Variants in HOOK3 observed in about 807,000 individuals in gnomAD.
HOOK3 encodes protein Hook homolog 3.
A neutral mutation model predicts 116.3 loss-of-function variants in HOOK3; 24 were observed. The observed-to-expected ratio is 0.21, with a 90% confidence interval of 0.15 to 0.29. HOOK3 has a LOEUF of 0.29. HOOK3 is among the 10% of genes least tolerant of loss of function. HOOK3 has a pLI of 1.00. For missense variants in HOOK3, 632 were observed against 830.2 expected (o/e 0.76, Z 2.93); for synonymous variants, 275 against 283.0 (o/e 0.97, Z 0.28).
chr8:42,959,172 A>G, intron 7 of HOOK3, 59 bp from the exon 8 acceptor site: 1 of 1,116,026 alleles, frequency 9.0e-7, no homozygotes, highest in East Asian at 2.4e-5. Flanking sequence ...TGTTGAACAT[A>G]CGAATTATTA....
At chr8:42,928,980 T>G (rs1807822126) in intron 3 of HOOK3, among the ~76,000 whole-genome samples, 1 of 152,166 alleles carries the variant, frequency 6.6e-6, no homozygotes, top group Non-Finnish European at 1.5e-5. Flanking sequence ...AGGCAGAGGT[T>G]GCAGTGAGCC....
Position 43,027,295 on chromosome 8 carries a change from A to T in HOOK3, c.*8797A>T. On this transcript the variant is annotated 3_prime_UTR_variant, in exon 22 of 22. Coordinates refer to ENST00000307602, the MANE Select transcript of HOOK3 (RefSeq NM_032410.4). ...GGACTTCTACATTTGTAACTTGAGT[A>T]TATTAATATTCAAATCATAGTTCAA... 2 of 278,240 alleles carry T rather than the reference A, an allele frequency of 7.2e-6. No individual in the cohort carries two copies. The highest frequency in any genetic ancestry group is 7.1e-6 in the Non-Finnish European group (1 of 139,874). 17.2% of individuals were successfully genotyped at this position (278,240 alleles called of 1,614,324 possible).
In HOOK3 at chr8:43,023,205, CAAAAAAAAAAAAAAA is replaced by C. The variant is rs766633886; in HGVS notation, c.*4716_*4730del. On this transcript the variant is annotated 3_prime_UTR_variant, in exon 22 of 22. Transcript: ENST00000307602. ...TGGGCCACAGAGTGAGACTCCATCT[CAAAAAAAAAAAAAAA>C]AAAAAAAAGAAACATCAGCCTGTAT... The C allele has an allele frequency of 0.065, 4,641 of 70,888 alleles. 334 individuals carry two copies. The highest frequency in any genetic ancestry group is 0.21 in the African/African-American group (4,435 of 21,204). The allele number at this position is 70,888 out of a possible 1,614,324, so 4.4% of individuals were successfully genotyped here. A position where few individuals can be genotyped will look rare whatever the true frequency, so the allele number is the denominator to read the frequency against.
chr8:42,978,387 G>A (rs1008322169), intron 13 of HOOK3, among the ~76,000 whole-genome samples: 2 of 150,450 alleles, frequency 1.3e-5, no homozygotes, highest in Non-Finnish European at 3.0e-5. Flanking sequence ...GGGATTACAG[G>A]TGCCTACCAC....
chr8:42,980,900 C>G (rs909875455), intron 13 of HOOK3, among the ~76,000 whole-genome samples: 1 of 151,732 alleles, frequency 6.6e-6, no homozygotes, highest in Non-Finnish European at 1.5e-5. Flanking sequence ...GAAAAAGAGA[C>G]CTGAGCGAAC....
rs944960846 is a variant in HOOK3, at chr8:42,943,416, G to T, written c.371G>T (p.Gly124Val). ...ELGRMLQLIL[G>V]CAVNCEQKQE... The stretch of plus-strand genomic sequence containing the variant: ...GGAAGGATGCTTCAGCTCATCTTAG[G>T]CTGTGCTGTGAACTGTGAACAGAAG... Residue 124 changes from glycine (G) to valine (V), a missense_variant, in exon 5 of 22, where the codon GGC (glycine) becomes GTC (valine). Around this residue, in one of 3 missense-constraint regions of HOOK3, gnomAD observed 141 missense variants for 150.8 expected, o/e 0.93. Transcript: ENST00000307602. The T allele has an allele frequency of 1.9e-6, 3 of 1,553,364 alleles. No homozygotes were observed. The highest frequency in any genetic ancestry group is 2.6e-6 in the Non-Finnish European group (3 of 1,150,218).
intron 1 of HOOK3, among the ~76,000 whole-genome samples, chr8:42,905,327 G>C (rs565213939): frequency 1.1e-3 from 109 of 101,216 alleles, no homozygotes; most frequent in Admixed American, 1.4e-3. Flanking sequence ...TCTTTTTTTG[G>C]GGGGGGGGGT....
At chr8:42,950,810 C>T (rs554995259) in intron 6 of HOOK3, among the ~76,000 whole-genome samples, 5 of 152,014 alleles carry the variant, frequency 3.3e-5, no homozygotes, top group African/African-American at 7.2e-5. Flanking sequence ...CTCACTCTCC[C>T]GAATAGCTGG....
At chr8:42,983,899 G>A (rs960523666) in intron 14 of HOOK3, among the ~76,000 whole-genome samples, 3 of 151,848 alleles carry the variant, frequency 2.0e-5, no homozygotes, top group African/African-American at 7.3e-5. Flanking sequence ...ACCTTTTTGG[G>A]GCCTATTTGC....
chr8:42,949,924 A>C (rs1240057380), intron 5 of HOOK3, among the ~76,000 whole-genome samples: 1 of 152,212 alleles, frequency 6.6e-6, no homozygotes, highest in Non-Finnish European at 1.5e-5. Context: ...TAAAAAAAAA[A>C]AAAAAGGAAA....
intron 1 of HOOK3, among the ~76,000 whole-genome samples, chr8:42,898,072 G>C (rs753833175): frequency 1.3e-5 from 2 of 152,256 alleles, no homozygotes; most frequent in Non-Finnish European, 2.9e-5. Flanking sequence ...TACTTTTAAA[G>C]GTAAAACACG....
At position 42,944,254 on chromosome 8, in the gene HOOK3, G is replaced by GA. The variant is rs1164973244; in HGVS notation, c.400+821dup. Among the ~76,000 whole-genome samples, 261 of 140,374 alleles carry GA rather than the reference G, an allele frequency of 1.9e-3. 1 individual carries two copies. The highest frequency in any genetic ancestry group is 5.8e-3 in the African/African-American group (221 of 38,396). The allele number at this position is 140,374 out of a possible 152,430, so 92.1% of individuals were successfully genotyped here. On this transcript the variant is annotated intron_variant, in intron 5 of 21. Transcript: ENST00000307602. ...ATATGGTGAAACCCCATCTCTACCA[G>GA]AAAAAAAAAAAATTAGCTGAGTGTG...
chr8:42,944,394 C>T (rs544553912), intron 5 of HOOK3, among the ~76,000 whole-genome samples: 20 of 151,954 alleles, frequency 1.3e-4, no homozygotes, highest in Non-Finnish European at 2.4e-4. Context: ...CCAGCCTGGG[C>T]GACAGAGCAA....
intron 2 of HOOK3, among the ~76,000 whole-genome samples, chr8:42,916,263 T>C (rs1203591723): frequency 1.3e-5 from 2 of 152,272 alleles, no homozygotes; most frequent in Non-Finnish European, 2.9e-5. Context: ...TGTGGAATTA[T>C]ACAATTTAAC....
intron 2 of HOOK3, among the ~76,000 whole-genome samples, chr8:42,912,661 C>CCTCCTTGCCCACCACACA (rs57324823): frequency 6.6e-6 from 1 of 151,702 alleles, no homozygotes; most frequent in Non-Finnish European, 1.5e-5. Context: ...GTTCCCACAT[C>CCTCCTTGCCCACCACACA]CTCCTTGCCC....
intron 2 of HOOK3, among the ~76,000 whole-genome samples, chr8:42,920,169 TACTC>T (rs1807629429): frequency 6.6e-6 from 1 of 152,204 alleles, no homozygotes; most frequent in African/African-American, 2.4e-5. Context: ...AATAGCATCT[TACTC>T]ATGAAGAGCT....
intron 8 of HOOK3, among the ~76,000 whole-genome samples, chr8:42,961,442 ATGAG>A (rs1305188043): frequency 2.6e-5 from 4 of 152,318 alleles, no homozygotes; most frequent in African/African-American, 9.6e-5. Flanking sequence ...GAGTGAGTGA[ATGAG>A]TGGGTGGGTG....
Position 43,021,313 on chromosome 8 carries a change from T to C in HOOK3, c.*2815T>C, listed in dbSNP as rs72647260. On this transcript the variant is annotated 3_prime_UTR_variant, in exon 22 of 22. Transcript: ENST00000307602. ...AGGGGAGTTTTACTTCTGACTTTTT[T>C]TTCCCCCCGAGACGGAGCCTCGTTC... 0.034 allele frequency: 6,561 copies of C among 191,250 alleles called. 160 individuals are homozygous for C. Among genetic ancestry groups the C allele is most frequent in the Middle Eastern group, 0.062 (35 of 560 alleles). The allele number at this position is 191,250 out of a possible 1,614,324, so 11.8% of individuals were successfully genotyped here.
intron 15 of HOOK3, 150 bp downstream of exon 15, chr8:42,986,945 T>C: frequency 1.3e-6 from 1 of 762,172 alleles, no homozygotes; most frequent in Non-Finnish European, 2.2e-6. Context: ...TCGCTTGAGC[T>C]CGGGAGTTCA....
Sources: allele counts gnomAD v4.1 joint callset (sites outside exome capture counted in the v4.1 genomes callset), GRCh38; gene constraint gnomAD v4.1.1; regional missense constraint gnomAD v4.1.1; transcripts MANE v1.5; gene names NCBI Gene and HGNC (gene_info 2026-07-23, HGNC 2026-07-21).